The following SAE1 variants were observed in gnomAD, a reference collection of about 807,000 sequenced individuals.
SAE1 encodes SUMO1 activating enzyme subunit 1, also known as SUMO-activating enzyme subunit 1.
Under a neutral mutation model 40.6 loss-of-function variants are expected in SAE1, and 11 were observed. That is an observed-to-expected ratio of 0.27 (90% CI 0.17 to 0.45). The LOEUF (loss-of-function observed/expected upper bound fraction) is 0.45. SAE1 is among the 20% of genes least tolerant of loss of function. The pLI is 1.00. For missense variants in SAE1, 373 were observed against 427.3 expected (o/e 0.87, Z 1.12); for synonymous variants, 155 against 154.3 (o/e 1.00, Z -0.03).
chr19:47,148,040 G>T (rs1008064856), intron 2 of SAE1, among the ~76,000 whole-genome samples: 20 of 152,054 alleles, frequency 1.3e-4, no homozygotes, highest in African/African-American at 4.8e-4. Context: ...GATTACAGGC[G>T]TGAGCCACCA....
At chr19:47,191,946 C>T (rs1372708420) in intron 6 of SAE1, among the ~76,000 whole-genome samples, 1 of 151,064 alleles carries the variant, frequency 6.6e-6, no homozygotes, top group Non-Finnish European at 1.5e-5. Flanking sequence ...CCCAGCTACT[C>T]GGGAGGCTGA....
chr19:47,159,466 A>C lies in SAE1; in HGVS notation c.627+4253A>C, dbSNP rs564370932. On this transcript the variant is annotated intron_variant, in intron 5 of 8. Coordinates refer to ENST00000270225, the MANE Select transcript of SAE1 (RefSeq NM_005500.3). ...AGACTCCTAGTCCAGTGTGTAGCAC[A>C]GTCATATCCACGGAATATTTGTTCA... 3.9e-5 allele frequency among the ~76,000 whole-genome samples: 6 copies of C among 152,128 alleles called. No homozygotes were observed. The East Asian group carries it at 1.2e-3, about 29-fold the overall frequency.
At chr19:47,136,489 CGA>C (rs1378872526) in intron 1 of SAE1, among the ~76,000 whole-genome samples, 3 of 135,598 alleles carry the variant, frequency 2.2e-5, no homozygotes, top group Non-Finnish European at 3.1e-5. Flanking sequence ...CATTTTTACC[CGA>C]GTCTTTTTTT....
intron 8 of SAE1, among the ~76,000 whole-genome samples, chr19:47,204,509 C>CTT (rs1555797191): frequency 9.7e-5 from 11 of 112,990 alleles, no homozygotes; most frequent in African/African-American, 3.0e-4. Context: ...CACCCCCCCC[C>CTT]TTTTTTTTTT....
chr19:47,153,980 A>G (rs1054317905), intron 4 of SAE1, among the ~76,000 whole-genome samples: 12 of 151,796 alleles, frequency 7.9e-5, no homozygotes, highest in African/African-American at 2.9e-4. Context: ...TAGTAGAGAC[A>G]GGGTTTTTCC....
intron 6 of SAE1, among the ~76,000 whole-genome samples, chr19:47,193,127 G>A (rs1263630459): frequency 6.7e-6 from 1 of 148,494 alleles, no homozygotes; most frequent in Non-Finnish European, 1.5e-5. Flanking sequence ...GCACAATCTC[G>A]GCTCACTGCA....
At chr19:47,139,822 C>T (rs1156583580) in intron 1 of SAE1, among the ~76,000 whole-genome samples, 1 of 144,928 alleles carries the variant, frequency 6.9e-6, no homozygotes, top group Non-Finnish European at 1.5e-5. Flanking sequence ...AGGATGATCT[C>T]AATCTCCTGA....
At chr19:47,170,302 C>T (rs1236581058) in intron 6 of SAE1, among the ~76,000 whole-genome samples, 1 of 150,734 alleles carries the variant, frequency 6.6e-6, no homozygotes, top group Non-Finnish European at 1.5e-5. Context: ...GCAACCTCCA[C>T]CTCCTGGGTT....
intron 1 of SAE1, among the ~76,000 whole-genome samples, chr19:47,138,291 G>A (rs2058195125): frequency 6.6e-6 from 1 of 151,884 alleles, no homozygotes; most frequent in South Asian, 2.1e-4. Flanking sequence ...TGATCTACCC[G>A]CCTCAGCCTC....
intron 6 of SAE1, among the ~76,000 whole-genome samples, chr19:47,185,304 T>A (rs2058537291): frequency 2.6e-5 from 4 of 151,932 alleles, no homozygotes; most frequent in African/African-American, 4.8e-5. Flanking sequence ...TATTTTTCAT[T>A]TTTATTTGTT....
At chr19:47,158,433 C>T (rs780366964) in intron 5 of SAE1, among the ~76,000 whole-genome samples, 5 of 152,134 alleles carry the variant, frequency 3.3e-5, no homozygotes, top group African/African-American at 9.7e-5. Context: ...AATCAGGTCT[C>T]GGGCACAAGC....
At chr19:47,175,107 A>ATTTTTTTTTTTT (rs916783073) in intron 6 of SAE1, among the ~76,000 whole-genome samples, 2 of 91,704 alleles carry the variant, frequency 2.2e-5, no homozygotes, top group African/African-American at 4.1e-5. Context: ...AGTGGCCTTG[A>ATTTTTTTTTTTT]TTTTTTTTTT....
chr19:47,174,424 T>C (rs1004354235), intron 6 of SAE1, among the ~76,000 whole-genome samples: 7 of 151,690 alleles, frequency 4.6e-5, no homozygotes, highest in Non-Finnish European at 8.8e-5. Context: ...GAGATGGAGT[T>C]TCGCTCTTGT....
At chr19:47,197,936 CT>C (rs2123312795) in intron 7 of SAE1, among the ~76,000 whole-genome samples, 1 of 152,334 alleles carries the variant, frequency 6.6e-6, no homozygotes, top group South Asian at 2.1e-4. Context: ...GCCACCTTGC[CT>C]CCATTGGTAT....
chr19:47,179,968 C>A (rs894945794), intron 6 of SAE1, among the ~76,000 whole-genome samples: 1 of 152,096 alleles, frequency 6.6e-6, no homozygotes, highest in African/African-American at 2.4e-5. Flanking sequence ...ATCAAGTTTT[C>A]TTATTGTCAG....
At chr19:47,183,634 C>T (rs541370866) in intron 6 of SAE1, among the ~76,000 whole-genome samples, 1 of 152,260 alleles carries the variant, frequency 6.6e-6, no homozygotes, top group African/African-American at 2.4e-5. Flanking sequence ...CCCACATCTC[C>T]CCCACTCCCC....
intron 7 of SAE1, among the ~76,000 whole-genome samples, chr19:47,199,530 G>A (rs568374683): frequency 1.3e-4 from 20 of 152,188 alleles, no homozygotes; most frequent in South Asian, 4.2e-4. Flanking sequence ...CCAGCAGCTC[G>A]TTAGGCTGTG....
intron 6 of SAE1, among the ~76,000 whole-genome samples, chr19:47,181,323 GTAA>G (rs1371761647): frequency 6.6e-6 from 1 of 151,582 alleles, no homozygotes; most frequent in Non-Finnish European, 1.5e-5. Flanking sequence ...TCTCAAAATA[GTAA>G]TAATAATAAT....
At chr19:47,154,917 C>G (rs2058311486) in intron 4 of SAE1, among the ~76,000 whole-genome samples, 197 bp from the exon 5 acceptor site, 1 of 152,174 alleles carries the variant, frequency 6.6e-6, no homozygotes, top group South Asian at 2.1e-4. Context: ...GTTTTTCCCA[C>G]AATAATTTCC....
Sources: allele counts gnomAD v4.1 joint callset (sites outside exome capture counted in the v4.1 genomes callset), GRCh38; gene constraint gnomAD v4.1.1; transcripts MANE v1.5; gene names NCBI Gene and HGNC (gene_info 2026-07-23, HGNC 2026-07-21).